The following TENM3 variants were observed in gnomAD, a reference collection of about 807,000 sequenced individuals.
TENM3 encodes the protein teneurin-3.
A neutral mutation model predicts 255.1 loss-of-function variants in TENM3; 63 were observed. The observed-to-expected ratio is 0.25, with a 90% confidence interval of 0.20 to 0.30. The LOEUF (loss-of-function observed/expected upper bound fraction) is 0.30, where lower values mean the gene tolerates loss of function less well. Ranked by LOEUF, TENM3 falls within the 10% of genes least tolerant of loss-of-function variation. The probability of loss-of-function intolerance (pLI) is 1.00; values close to 1 mark genes in which losing one functional copy is unlikely to be tolerated. For missense variants in TENM3, 2,929 were observed against 3,461.1 expected (o/e 0.85, Z 3.86); for synonymous variants, 1,306 against 1,322.3 (o/e 0.99, Z 0.27).
chr4:182,736,633 TTTTA>T (rs1412086511), intron 16 of TENM3, among the ~76,000 whole-genome samples, 171 bp from the exon 17 acceptor site: 2 of 152,220 alleles, frequency 1.3e-5, no homozygotes, highest in Non-Finnish European at 2.9e-5. Context: ...TTCTTTTGTG[TTTTA>T]TTTTAGTTGC....
chr4:182,191,824 T>C (rs1753542070), intron 1 of TENM3, among the ~76,000 whole-genome samples: 1 of 152,216 alleles, frequency 6.6e-6, no homozygotes, highest in Admixed American at 6.5e-5. Context: ...TGTCTTCAAC[T>C]AAATCGTAAC....
intron 2 of TENM3, 86 bp downstream of exon 2, chr4:182,324,338 G>A: frequency 9.9e-7 from 1 of 1,008,782 alleles, no homozygotes; most frequent in Non-Finnish European, 1.6e-6. Context: ...TGACATGTCT[G>A]TTTTCTGACT....
chr4:181,852,986 A>G, the TENM3 span, among the ~76,000 whole-genome samples: 4 of 152,360 alleles, frequency 2.6e-5, no homozygotes, highest in East Asian at 7.7e-4. Flanking sequence ...CCAGGAACCA[A>G]AGCCAGACAG....
At chr4:182,761,603 C>T (rs4862088) in intron 22 of TENM3, among the ~76,000 whole-genome samples, 74,413 of 144,148 alleles carry the variant, frequency 0.52, 19,571 homozygotes, top group East Asian at 0.8. Flanking sequence ...TATATGTATA[C>T]ACACACACAC....
At chr4:182,206,010 C>A (rs1465109923) in intron 1 of TENM3, among the ~76,000 whole-genome samples, 4 of 151,114 alleles carry the variant, frequency 2.6e-5, no homozygotes, top group Non-Finnish European at 5.9e-5. Context: ...GAAAGCAACT[C>A]ACTAATTTAC....
intron 3 of TENM3, among the ~76,000 whole-genome samples, chr4:182,416,078 A>G (rs1770338146): frequency 6.6e-6 from 1 of 152,208 alleles, no homozygotes; most frequent in Non-Finnish European, 1.5e-5. Flanking sequence ...TAGAATCCCT[A>G]TGGTTAGTTG....
At chr4:182,301,947 G>A (rs189540295) in intron 1 of TENM3, among the ~76,000 whole-genome samples, 22 of 152,216 alleles carry the variant, frequency 1.4e-4, no homozygotes, top group Non-Finnish European at 2.1e-4. Context: ...GGACACGCTC[G>A]GGTGCCTTCT....
chr4:182,180,777 A>G (rs924890661), intron 1 of TENM3, among the ~76,000 whole-genome samples: 1 of 151,706 alleles, frequency 6.6e-6, no homozygotes, highest in African/African-American at 2.4e-5. Context: ...CTCCTGGCCT[A>G]TTGTCCTTCT....
intron 27 of TENM3, among the ~76,000 whole-genome samples, chr4:182,798,913 C>A (rs773623320): frequency 6.6e-6 from 1 of 152,170 alleles, no homozygotes; most frequent in South Asian, 2.1e-4. Flanking sequence ...TAAGAAATGG[C>A]TGAGTTAAGA....
chr4:181,698,582 A>T, the TENM3 span, among the ~76,000 whole-genome samples: 2 of 152,324 alleles, frequency 1.3e-5, no homozygotes, highest in Non-Finnish European at 2.9e-5. Flanking sequence ...TCTCCAGATA[A>T]TACACTGAAA....
At chr4:181,993,137 C>T in the TENM3 span, among the ~76,000 whole-genome samples, 1 of 152,140 alleles carries the variant, frequency 6.6e-6, no homozygotes, top group Non-Finnish European at 1.5e-5. Context: ...ATGCCAAAAA[C>T]ATATCCCATA....
the TENM3 span, among the ~76,000 whole-genome samples, chr4:181,567,346 G>A: frequency 2.0e-5 from 3 of 152,080 alleles, no homozygotes; most frequent in Middle Eastern, 3.4e-3. Context: ...TATTCTGTTC[G>A]TGTCTCTTGC....
intron 24 of TENM3, among the ~76,000 whole-genome samples, chr4:182,787,872 C>T (rs1003165661): frequency 3.3e-5 from 5 of 152,044 alleles, no homozygotes; most frequent in African/African-American, 4.8e-5. Flanking sequence ...TGCCATTCCA[C>T]GGACTTCACC....
intron 1 of TENM3, among the ~76,000 whole-genome samples, chr4:182,306,590 A>G (rs1450732539): frequency 6.6e-6 from 1 of 152,104 alleles, no homozygotes; most frequent in Non-Finnish European, 1.5e-5. Context: ...ATTGCTTTTT[A>G]TTATTACTGG....
At chr4:182,435,560 AT>A (rs1443074042) in intron 3 of TENM3, among the ~76,000 whole-genome samples, 1 of 152,232 alleles carries the variant, frequency 6.6e-6, no homozygotes, top group Admixed American at 6.5e-5. Flanking sequence ...TGTCTCCAGC[AT>A]GGGAACAGGG....
At chr4:181,749,506 C>G in the TENM3 span, among the ~76,000 whole-genome samples, 2 of 152,096 alleles carry the variant, frequency 1.3e-5, no homozygotes, top group African/African-American at 4.8e-5. Flanking sequence ...CATTTCTGCC[C>G]ATTCAAAAGC....
intron 12 of TENM3, among the ~76,000 whole-genome samples, chr4:182,703,059 G>GACT (rs1758015083): frequency 6.6e-6 from 1 of 152,182 alleles, no homozygotes; most frequent in South Asian, 2.1e-4. Flanking sequence ...TTAAGCCCTA[G>GACT]ATAGACTGTC....
chr4:182,795,101 T>G (rs977888614), intron 26 of TENM3, among the ~76,000 whole-genome samples: 3 of 152,206 alleles, frequency 2.0e-5, no homozygotes, highest in Non-Finnish European at 4.4e-5. Flanking sequence ...GGTTGCCCCC[T>G]GTTCATTTCA....
At position 182,374,044 on chromosome 4, in the gene TENM3, A is replaced by G. The variant is rs1193018833; in HGVS notation, c.511+27115A>G. On this transcript the variant is annotated intron_variant, in intron 3 of 27. Transcript: ENST00000511685. Reference sequence around the variant, plus strand: ...CTACCAGTGTGTATAGTATATATATATATATGTATATTTAGAAGTAACTCT... The same window carrying G: ...CTACCAGTGTGTATAGTATATATATGTATATGTATATTTAGAAGTAACTCT... Among the ~76,000 whole-genome samples, 22 of 152,130 alleles carry G rather than the reference A, an allele frequency of 1.4e-4. 1 individual carries two copies. The highest frequency in any genetic ancestry group is 1.4e-3 in the Admixed American group (22 of 15,264).
Sources: allele counts gnomAD v4.1 joint callset (sites outside exome capture counted in the v4.1 genomes callset), GRCh38; gene constraint gnomAD v4.1.1; transcripts MANE v1.5; gene names NCBI Gene and HGNC (gene_info 2026-07-23, HGNC 2026-07-21).